The following SEPTIN9 variants were observed in gnomAD, a reference collection of about 807,000 sequenced individuals.
SEPTIN9 encodes septin-9.
In SEPTIN9, 13 loss-of-function variants were observed where a neutral mutation model predicts 56.6. That is an observed-to-expected ratio of 0.23 (90% CI 0.15 to 0.37). The LOEUF (loss-of-function observed/expected upper bound fraction) is 0.37, where lower values mean the gene tolerates loss of function less well. Among genes scored for constraint, SEPTIN9 ranks in the 10% least tolerant of loss-of-function variants. SEPTIN9 has a pLI of 1.00. For synonymous variants in SEPTIN9, 332 were observed against 334.1 expected, an observed-to-expected ratio of 0.99 and a Z score of 0.07; for missense variants, 650 against 823.1, an observed-to-expected ratio of 0.79 and a Z score of 2.57.
At chr17:77,440,226 C>G (rs2037494026) in intron 3 of SEPTIN9, among the ~76,000 whole-genome samples, 1 of 152,124 alleles carries the variant, frequency 6.6e-6, no homozygotes, top group Non-Finnish European at 1.5e-5. Flanking sequence ...ACAATCTTGG[C>G]TCACTGCAAC....
rs555622240 is a variant in SEPTIN9 at position 77,421,539 on chromosome 17, C to A, written c.721+18836C>A. On this transcript the variant is annotated intron_variant, in intron 3 of 11. Transcript: ENST00000427177. This position sits in a 1 kb window ranked among gnomAD's most constrained non-coding sequence, Gnocchi z 4.6. The stretch of plus-strand genomic sequence containing the variant: ...AGAGCAGGGAGGCTCACGTCTCTGC[C>A]TGCTGGTTTTGCTTCCTGTCCTGGG... Among the ~76,000 whole-genome samples, 12 of 152,332 alleles carry A rather than the reference C, an allele frequency of 7.9e-5. No individual in the cohort carries two copies. In the East Asian group the frequency reaches 2.3e-3, roughly 29 times the overall value.
In SEPTIN9 at chr17:77,498,510, C is replaced by G; in HGVS notation, c.1626-13C>G. On this transcript the variant is annotated splice_polypyrimidine_tract_variant and intron_variant, in intron 11 of 11. Transcript: ENST00000427177. Reference sequence around the variant, plus strand: ...GCCCACCTCACTGACCCGCCCGCCCCCCACCCCCACAGGACGCACATGCAG... The same window carrying G: ...GCCCACCTCACTGACCCGCCCGCCCGCCACCCCCACAGGACGCACATGCAG... The G allele has an allele frequency of 1.0e-5, 5 of 498,922 alleles. No homozygotes were observed. Among genetic ancestry groups the G allele is most frequent in the African/African-American group, 2.1e-5 (1 of 48,154 alleles). The allele number at this position is 498,922 out of a possible 1,614,324, so 30.9% of individuals were successfully genotyped here.
rs536180973 is a variant in SEPTIN9 at position 77,451,871 on chromosome 17, G to A, written c.722-30273G>A. Among the ~76,000 whole-genome samples, 6 of 152,370 alleles carry A rather than the reference G, an allele frequency of 3.9e-5. No homozygotes were observed. In the East Asian group the frequency reaches 1.2e-3, roughly 29 times the overall value. ...GGAACATGTTTCCTTTTCGCAAGGG[G>A]TTTCCCTGGCTTCCAGGAGGGCCAG... On this transcript the variant is annotated intron_variant, in intron 3 of 11. Coordinates refer to ENST00000427177, the MANE Select transcript of SEPTIN9 (RefSeq NM_001113491.2). The surrounding 1 kb of genome is among the most constrained non-coding windows in gnomAD (Gnocchi z 4.2).
chr17:77,335,050 C>A (rs1047386070), intron 2 of SEPTIN9, among the ~76,000 whole-genome samples: 1 of 151,494 alleles, frequency 6.6e-6, no homozygotes, highest in Non-Finnish European at 1.5e-5. Flanking sequence ...CCTATGTTGA[C>A]TGTATATGTG....
intron 1 of SEPTIN9, among the ~76,000 whole-genome samples, chr17:77,284,473 C>T (rs2031182436): frequency 6.6e-6 from 1 of 152,210 alleles, no homozygotes; most frequent in African/African-American, 2.4e-5. Flanking sequence ...AGTCTACAGG[C>T]AGTGTGGTCC....
chr17:77,468,019 A>T (rs2038824646), intron 3 of SEPTIN9, among the ~76,000 whole-genome samples: 1 of 152,050 alleles, frequency 6.6e-6, no homozygotes, highest in Admixed American at 6.6e-5. Context: ...TAATCTCAGC[A>T]CTTTGGGAGG....
chr17:77,357,491 C>T (rs1408056614), intron 2 of SEPTIN9, among the ~76,000 whole-genome samples: 1 of 152,164 alleles, frequency 6.6e-6, no homozygotes, highest in Non-Finnish European at 1.5e-5. Flanking sequence ...GTCCATCTAT[C>T]CCTCCTTCGC....
intron 2 of SEPTIN9, chr17:77,322,552 C>G (rs932196482): frequency 6.6e-6 from 1 of 152,274 alleles, no homozygotes; most frequent in Non-Finnish European, 1.5e-5. Context: ...TAGCGCTGGT[C>G]TTTAATTGTC....
chr17:77,447,090 G>A (rs2037770053), intron 3 of SEPTIN9: 1 of 167,132 alleles, frequency 6.0e-6, no homozygotes, highest in South Asian at 2.1e-4. Context: ...GCAGCCACCA[G>A]AATGCTTTCT....
In SEPTIN9 at chr17:77,402,697, C is replaced by G; in HGVS notation, c.715C>G (p.Gln239Glu). 6.3e-7 allele frequency: 1 copy of G among 1,584,352 alleles called. No homozygotes were observed. The highest frequency in any genetic ancestry group is 8.6e-7 in the Non-Finnish European group (1 of 1,166,014). ...TGTGGCTGAGGCTACACCCCGGAGC[C>G]AGGAGGGTGAGTCGCAGAGCGCTAG... ...PPVAEATPRS[Q>E]EATEAAPSCV... The change falls in exon 3 of 12, where the codon CAG (glutamine) becomes GAG (glutamate). Residue 239 changes from glutamine to glutamate, a missense_variant. Gln to Glu is a conservative substitution (Grantham distance 29). Around this residue, in one of 2 missense-constraint regions of SEPTIN9, gnomAD observed 317 missense variants for 329.1 expected, o/e 0.96. Coordinates refer to ENST00000427177, the MANE Select transcript of SEPTIN9 (RefSeq NM_001113491.2). This position sits in a 1 kb window ranked among gnomAD's most constrained non-coding sequence, Gnocchi z 6.6.
chr17:77,410,390 T>C (rs1440022216), intron 3 of SEPTIN9, among the ~76,000 whole-genome samples: 3 of 152,168 alleles, frequency 2.0e-5, no homozygotes, highest in Non-Finnish European at 4.4e-5. Flanking sequence ...TCAAGCTCGA[T>C]TCCACTCCAC....
chr17:77,330,192 CG>C lies in SEPTIN9; in HGVS notation c.76+22996del. Among the ~76,000 whole-genome samples, 1 of 152,336 alleles carries C rather than the reference CG, an allele frequency of 6.6e-6. No individual in the cohort carries two copies. The highest frequency in any genetic ancestry group is 3.4e-3 in the Middle Eastern group (1 of 294). ...GCTCTGTCCCCTCTGCGTCCTGTGCCGTGGGTGAGAGAGGGCTTCGGGGGGA... is the reference window on the plus strand; with the variant it reads ...GCTCTGTCCCCTCTGCGTCCTGTGCCTGGGTGAGAGAGGGCTTCGGGGGGA... On this transcript the variant is annotated intron_variant, in intron 2 of 11. Coordinates refer to ENST00000427177, the MANE Select transcript of SEPTIN9 (RefSeq NM_001113491.2). The surrounding 1 kb of genome is among the most constrained non-coding windows in gnomAD (Gnocchi z 4.4).
intron 3 of SEPTIN9, among the ~76,000 whole-genome samples, chr17:77,441,553 A>T (rs1297378443): frequency 6.6e-6 from 1 of 152,262 alleles, no homozygotes; most frequent in African/African-American, 2.4e-5. Flanking sequence ...TCAAGCACCC[A>T]TACAGCAGGT....
At chr17:77,344,393 C>A (rs2033825290) in intron 2 of SEPTIN9, among the ~76,000 whole-genome samples, 1 of 152,164 alleles carries the variant, frequency 6.6e-6, no homozygotes, top group African/African-American at 2.4e-5. Context: ...AATTGGAGCC[C>A]CGTGCACTGC....
At chr17:77,282,601 A>T (rs1028316304) in intron 1 of SEPTIN9, among the ~76,000 whole-genome samples, 4 of 152,332 alleles carry the variant, frequency 2.6e-5, no homozygotes, top group Admixed American at 6.5e-5. Flanking sequence ...AACCAAAATG[A>T]GTGATAAAGT....
At chr17:77,408,675 G>C (rs545269557) in intron 3 of SEPTIN9, among the ~76,000 whole-genome samples, 1 of 152,096 alleles carries the variant, frequency 6.6e-6, no homozygotes, top group South Asian at 2.1e-4. Context: ...CTGAGTGGGG[G>C]GTGGGGAGGG....
intron 3 of SEPTIN9, among the ~76,000 whole-genome samples, chr17:77,448,382 G>A (rs1290180407): frequency 2.0e-5 from 3 of 151,980 alleles, no homozygotes; most frequent in Non-Finnish European, 4.4e-5. Context: ...AGGCTGAGGC[G>A]GGAGAATTGC....
At chr17:77,452,497 G>A (rs976935137) in intron 3 of SEPTIN9, among the ~76,000 whole-genome samples, 26 of 152,252 alleles carry the variant, frequency 1.7e-4, no homozygotes, top group African/African-American at 5.8e-4. Context: ...AGAGGTTTGG[G>A]GAACAGCTCT....
At chr17:77,478,012 T>TGG (rs913588719) in intron 3 of SEPTIN9, among the ~76,000 whole-genome samples, 1 of 151,314 alleles carries the variant, frequency 6.6e-6, no homozygotes, top group South Asian at 2.1e-4. Context: ...CCACGGTCTT[T>TGG]GGGGGGGGTC....
Sources: gnomAD v4.1 joint callset for allele counts (sites outside exome capture counted in the v4.1 genomes callset) on GRCh38, gnomAD v4.1.1 for gene constraint, gnomAD v4.1.1 regional missense constraint, Gnocchi (gnomAD v3.1) non-coding constraint, MANE v1.5 for transcripts, NCBI Gene and HGNC (gene_info 2026-07-23, HGNC 2026-07-21) for gene names.